Variants in MED12L observed in about 807,000 individuals in gnomAD.
The protein encoded by MED12L is mediator of RNA polymerase II transcription subunit 12-like protein.
MED12L carries 60 observed loss-of-function variants against 281.3 expected under a neutral mutation model. The ratio of observed to expected loss-of-function variants is 0.21; its 90% CI spans 0.17 to 0.26. The LOEUF (loss-of-function observed/expected upper bound fraction) is 0.26, where lower values mean the gene tolerates loss of function less well. MED12L is among the 10% of genes least tolerant of loss of function. The probability of loss-of-function intolerance (pLI) is 1.00; values close to 1 mark genes in which losing one functional copy is unlikely to be tolerated. For missense variants in MED12L, 2,146 were observed against 2,680.9 expected (o/e 0.80, Z 4.41); for synonymous variants, 974 against 987.2 (o/e 0.99, Z 0.25).
At chr3:151,143,230 A>G (rs993942544) in intron 5 of MED12L, among the ~76,000 whole-genome samples, 1 of 152,184 alleles carries the variant, frequency 6.6e-6, no homozygotes, top group African/African-American at 2.4e-5. Context: ...TCATCTGGCA[A>G]TATGATGTCT....
At position 151,357,272 on chromosome 3, in the gene MED12L, A is replaced by T. The variant is rs1255397604; in HGVS notation, c.2721A>T (p.Ala907=). 1 of 1,613,632 alleles carries T rather than the reference A, an allele frequency of 6.2e-7. No homozygotes were observed. Among genetic ancestry groups the T allele is most frequent in the Non-Finnish European group, 8.5e-7 (1 of 1,179,806 alleles). The change falls in exon 20 of 45, where the codon GCA becomes GCT. Residue 907 remains alanine (A), a synonymous_variant. Transcript: ENST00000687756. ...AELLLKSSSL[A]GSYTTGLCVC... is the part of the protein sequence containing the mutation. Reference sequence around the variant, plus strand: ...TGCTCCTAAAATCCTCCAGCCTGGCAGGAAGTTATACAACAGGACTGTGTG... The same window carrying T: ...TGCTCCTAAAATCCTCCAGCCTGGCTGGAAGTTATACAACAGGACTGTGTG...
chr3:151,086,973 G>A lies in MED12L; in HGVS notation c.47G>A (p.Arg16His). Residue 16 changes from arginine (R) to histidine (H), a missense_variant, in exon 2 of 45, where the codon CGC becomes CAC. Coordinates refer to ENST00000687756, the MANE Select transcript of MED12L (RefSeq NM_001393769.1). Reference protein sequence around the residue: ...LLSYEQRPLKRPRLGPPDVYP... With the variant: ...LLSYEQRPLKHPRLGPPDVYP... ...AGCTATGAGCAGAGACCGCTGAAGC[G>A]CCCCCGGCTCGGGCCGCCCGACGTC... 6.2e-7 allele frequency: 1 copy of A among 1,610,288 alleles called. No homozygotes were observed. The highest frequency in any genetic ancestry group is 8.5e-7 in the Non-Finnish European group (1 of 1,178,966).
At chr3:151,256,068 A>C (rs923296479) in intron 16 of MED12L, among the ~76,000 whole-genome samples, 1 of 152,232 alleles carries the variant, frequency 6.6e-6, no homozygotes, top group African/African-American at 2.4e-5. Flanking sequence ...AACATATGCT[A>C]GATAGAAATA....
chr3:151,145,427 C>T (rs541684910), intron 5 of MED12L, among the ~76,000 whole-genome samples: 1 of 152,308 alleles, frequency 6.6e-6, no homozygotes, highest in South Asian at 2.1e-4. Flanking sequence ...CATCTTTCCC[C>T]TGACCCTTCT....
intron 16 of MED12L, among the ~76,000 whole-genome samples, chr3:151,301,574 A>G (rs1745929938): frequency 6.6e-6 from 1 of 152,260 alleles, no homozygotes. Flanking sequence ...CAGCTTCTTA[A>G]TAAGGAGAAC....
chr3:151,364,657 T>C (rs1755058531), intron 21 of MED12L, among the ~76,000 whole-genome samples: 1 of 152,196 alleles, frequency 6.6e-6, no homozygotes, highest in African/African-American at 2.4e-5. Context: ...GACACAGTTG[T>C]TGGAAGCCAT....
At chr3:151,325,332 T>A (rs952854439) in intron 16 of MED12L, among the ~76,000 whole-genome samples, 1 of 152,212 alleles carries the variant, frequency 6.6e-6, no homozygotes, top group Non-Finnish European at 1.5e-5. Context: ...GATCTTATCC[T>A]ATTTATTTGT....
At chr3:151,156,352 G>A (rs370374612) in intron 6 of MED12L, 22 bp downstream of exon 6, 1 of 1,582,946 alleles carries the variant, frequency 6.3e-7, no homozygotes, top group Non-Finnish European at 8.6e-7. Context: ...AAGACATGCA[G>A]AGTTGTGTGC....
At chr3:151,428,594 TGCCAA>T (rs1719121211) in intron 43 of MED12L, among the ~76,000 whole-genome samples, 1 of 152,200 alleles carries the variant, frequency 6.6e-6, no homozygotes, top group African/African-American at 2.4e-5. Flanking sequence ...TCAGTAGGTA[TGCCAA>T]GCCCTTGTCT....
chr3:151,259,901 C>T (rs548015733), intron 16 of MED12L, among the ~76,000 whole-genome samples: 3 of 152,304 alleles, frequency 2.0e-5, no homozygotes, highest in Admixed American at 2.0e-4. Context: ...CTGTTCTGTC[C>T]TTTCTGTAAT....
At chr3:151,297,220 A>G (rs1276029300) in intron 16 of MED12L, among the ~76,000 whole-genome samples, 1 of 152,242 alleles carries the variant, frequency 6.6e-6, no homozygotes, top group Non-Finnish European at 1.5e-5. Flanking sequence ...TTCCTTGTAC[A>G]GTATCATTCA....
intron 15 of MED12L, among the ~76,000 whole-genome samples, chr3:151,192,963 A>G (rs529864602): frequency 2.2e-4 from 33 of 152,226 alleles, no homozygotes; most frequent in Admixed American, 9.2e-4. Context: ...TTGATTTGCT[A>G]TGTATATGTT....
rs534876103 is a variant in MED12L, at chr3:151,242,748, G to A, written c.2250+49082G>A. ...AGGAACGCAGTTCCTCACCAGCAGC[G>A]GAACAAAGCTGGATGGAGAATGACT... On this transcript the variant is annotated intron_variant, in intron 16 of 44. Coordinates refer to ENST00000687756, the MANE Select transcript of MED12L (RefSeq NM_001393769.1). 2.4e-4 allele frequency among the ~76,000 whole-genome samples: 37 copies of A among 152,274 alleles called. No homozygotes were observed. The East Asian group carries it at 5.8e-3, about 24-fold the overall frequency.
At chr3:151,355,509 T>C (rs1577419111) in intron 18 of MED12L, among the ~76,000 whole-genome samples, 1 of 152,192 alleles carries the variant, frequency 6.6e-6, no homozygotes, top group African/African-American at 2.4e-5. Context: ...TTATTAGAGT[T>C]TGGTCCTATA....
intron 16 of MED12L, among the ~76,000 whole-genome samples, chr3:151,255,917 T>C (rs568508047): frequency 1.3e-5 from 2 of 152,336 alleles, no homozygotes; most frequent in East Asian, 3.9e-4. Flanking sequence ...CCTGCACTAT[T>C]AAAGTTGTTG....
At chr3:151,128,112 G>A (rs976038422) in intron 5 of MED12L, 128 bp downstream of exon 5, 6 of 766,956 alleles carry the variant, frequency 7.8e-6, no homozygotes, top group Middle Eastern at 3.3e-4. Flanking sequence ...TGATTTGCTC[G>A]GGTATGGATA....
chr3:151,335,608 A>G (rs1395982246), intron 16 of MED12L, among the ~76,000 whole-genome samples: 1 of 152,152 alleles, frequency 6.6e-6, no homozygotes, highest in Non-Finnish European at 1.5e-5. Flanking sequence ...ATTTGGCTTC[A>G]TTTAAAAAAG....
chr3:151,099,558 T>C (rs1261303231), intron 2 of MED12L, among the ~76,000 whole-genome samples: 2 of 152,248 alleles, frequency 1.3e-5, no homozygotes, highest in Non-Finnish European at 2.9e-5. Flanking sequence ...TTGTATTTAG[T>C]TCTGCATTCA....
intron 2 of MED12L, among the ~76,000 whole-genome samples, chr3:151,115,687 G>C (rs886818094): frequency 6.6e-6 from 1 of 151,704 alleles, no homozygotes; most frequent in Non-Finnish European, 1.5e-5. Context: ...TTTATATTTC[G>C]GTGAGATTTT....
Sources: gnomAD v4.1 joint callset for allele counts (sites outside exome capture counted in the v4.1 genomes callset) on GRCh38, gnomAD v4.1.1 for gene constraint, MANE v1.5 for transcripts, NCBI Gene and HGNC (gene_info 2026-07-23, HGNC 2026-07-21) for gene names.